Variants in CHRM3 observed in about 807,000 individuals in gnomAD.
The protein encoded by CHRM3 is cholinergic receptor muscarinic 3.
In CHRM3, 11 loss-of-function variants were observed where a neutral mutation model predicts 41.8. That is an observed-to-expected ratio of 0.26 (90% CI 0.17 to 0.44). The LOEUF (loss-of-function observed/expected upper bound fraction) is 0.44. Ranked by LOEUF, CHRM3 falls within the 20% of genes least tolerant of loss-of-function variation. The pLI, the probability that CHRM3 is intolerant of heterozygous loss-of-function variation, is 1.00. For synonymous variants in CHRM3, 297 were observed against 301.4 expected (o/e 0.99, Z 0.15); for missense variants, 571 against 745.4 (o/e 0.77, Z 2.72).
intron 1 of CHRM3, among the ~76,000 whole-genome samples, chr1:239,397,249 T>C (rs1938228): frequency 0.88 from 134,533 of 152,238 alleles, 60,248 homozygotes; most frequent in East Asian, 0.96. Context: ...CAAATTATTT[T>C]GCTCCATAAA....
intron 2 of CHRM3, among the ~76,000 whole-genome samples, chr1:239,525,268 G>C (rs752042376): frequency 2.0e-4 from 30 of 152,106 alleles, no homozygotes; most frequent in Non-Finnish European, 3.8e-4. Flanking sequence ...AGTCTAGGAG[G>C]CTGAGGCCAC....
rs567093698 is a variant in CHRM3 at position 239,508,281 on chromosome 1, T to G, written c.-422+15474T>G. Reference sequence around the variant, plus strand: ...CTAGGTGGTTCTGTACAGTGAAATATGGGACCTTGAGCTCTGTATTTCAGT... The same window carrying G: ...CTAGGTGGTTCTGTACAGTGAAATAGGGGACCTTGAGCTCTGTATTTCAGT... On this transcript the variant is annotated intron_variant, in intron 2 of 6. Transcript: ENST00000676153. Among the ~76,000 whole-genome samples, 81 of 152,334 alleles carry G rather than the reference T, an allele frequency of 5.3e-4. No homozygotes were observed. In the South Asian group the frequency reaches 0.017, roughly 32 times the overall value.
chr1:239,679,225 T>C (rs916121241), intron 5 of CHRM3, among the ~76,000 whole-genome samples: 9 of 152,188 alleles, frequency 5.9e-5, no homozygotes, highest in African/African-American at 2.2e-4. Flanking sequence ...GAAATACTTA[T>C]AAATATTTGG....
intron 2 of CHRM3, among the ~76,000 whole-genome samples, chr1:239,509,784 T>A (rs1453893035): frequency 6.6e-6 from 1 of 152,182 alleles, no homozygotes; most frequent in Non-Finnish European, 1.5e-5. Context: ...ATTTTCTTAG[T>A]CAACAATTAA....
intron 5 of CHRM3, among the ~76,000 whole-genome samples, chr1:239,750,322 C>A (rs1183970217): frequency 6.6e-6 from 1 of 152,144 alleles, no homozygotes; most frequent in Non-Finnish European, 1.5e-5. Flanking sequence ...TGGAAAAAAA[C>A]ATTCAGGACC....
intron 5 of CHRM3, among the ~76,000 whole-genome samples, chr1:239,729,355 G>A (rs60661189): frequency 0.017 from 2,590 of 151,944 alleles, 72 homozygotes; most frequent in African/African-American, 0.058. Flanking sequence ...AATCCCAGTG[G>A]CCTTGTTTCA....
chr1:239,700,811 C>A (rs916503037), intron 5 of CHRM3, among the ~76,000 whole-genome samples: 2 of 152,108 alleles, frequency 1.3e-5, no homozygotes, highest in Non-Finnish European at 2.9e-5. Context: ...AGTTACCTAG[C>A]GGCTTTGGGA....
chr1:239,670,212 A>G (rs1467822299), intron 4 of CHRM3, among the ~76,000 whole-genome samples: 1 of 152,122 alleles, frequency 6.6e-6, no homozygotes, highest in Non-Finnish European at 1.5e-5. Context: ...CCATCACGCC[A>G]AGTTCTCTTA....
At chr1:239,499,317 G>A (rs1266234954) in intron 2 of CHRM3, among the ~76,000 whole-genome samples, 1 of 152,126 alleles carries the variant, frequency 6.6e-6, no homozygotes, top group East Asian at 1.9e-4. Context: ...GGCTTTCACA[G>A]GGGATAGTAT....
In CHRM3 at chr1:239,533,745, AAAAAAC is replaced by A. The variant is rs869270032; in HGVS notation, c.-421-11890_-421-11885del. ...AAACTCTGTCTCAAAAAAAAAAAAA[AAAAAAC>A]AAAAAAACCCTTAAAAACCATCAGA... is the stretch of plus-strand genomic sequence containing the variant. On this transcript the variant is annotated intron_variant, in intron 2 of 6. Transcript: ENST00000676153. Among the ~76,000 whole-genome samples the A allele has an allele frequency of 1.1e-4, 16 of 149,134 alleles. 1 individual carries two copies. The highest frequency in any genetic ancestry group is 3.5e-4 in the African/African-American group (14 of 40,324).
At chr1:239,892,289 T>C (rs1330975484) in intron 6 of CHRM3, among the ~76,000 whole-genome samples, 2 of 152,220 alleles carry the variant, frequency 1.3e-5, no homozygotes, top group Non-Finnish European at 2.9e-5. Flanking sequence ...AAAGTAGACA[T>C]TTTATTATTA....
chr1:239,525,463 T>A (rs553105290), intron 2 of CHRM3, among the ~76,000 whole-genome samples: 28 of 149,350 alleles, frequency 1.9e-4, no homozygotes, highest in African/African-American at 6.8e-4. Context: ...TTCTTTTTTT[T>A]AAAATTATTT....
At chr1:239,645,096 G>C (rs746208227) in intron 4 of CHRM3, among the ~76,000 whole-genome samples, 3 of 152,178 alleles carry the variant, frequency 2.0e-5, no homozygotes, top group African/African-American at 4.8e-5. Context: ...TATCTGGATG[G>C]CAGAGCCGCC....
intron 3 of CHRM3, among the ~76,000 whole-genome samples, chr1:239,583,094 G>A (rs371130177): frequency 1.3e-5 from 2 of 152,180 alleles, no homozygotes; most frequent in African/African-American, 4.8e-5. Flanking sequence ...ACCATGTGAA[G>A]TTCCCTCACC....
intron 2 of CHRM3, among the ~76,000 whole-genome samples, chr1:239,514,342 A>C (rs1455007682): frequency 2.4e-5 from 2 of 83,344 alleles, no homozygotes; most frequent in Non-Finnish European, 5.2e-5. Context: ...TAGATCTCGT[A>C]CATTTTTTTA....
intron 5 of CHRM3, among the ~76,000 whole-genome samples, chr1:239,710,191 T>G (rs753367751): frequency 2.8e-4 from 43 of 152,190 alleles, no homozygotes; most frequent in Non-Finnish European, 4.4e-5. Flanking sequence ...CTAAGTGTTA[T>G]ATGTATAACT....
chr1:239,434,437 A>G (rs1338211183), intron 1 of CHRM3, among the ~76,000 whole-genome samples: 2 of 152,138 alleles, frequency 1.3e-5, no homozygotes, highest in Non-Finnish European at 2.9e-5. Flanking sequence ...CTCTCTATCT[A>G]TATAATAGCA....
intron 1 of CHRM3, among the ~76,000 whole-genome samples, chr1:239,414,434 A>T (rs1026876470): frequency 3.3e-5 from 5 of 152,256 alleles, no homozygotes; most frequent in African/African-American, 1.2e-4. Flanking sequence ...TGTTTACAGC[A>T]GTTTGATATT....
At chr1:239,585,652 T>C (rs567377838) in intron 3 of CHRM3, among the ~76,000 whole-genome samples, 50 of 152,288 alleles carry the variant, frequency 3.3e-4, no homozygotes, top group South Asian at 4.1e-4. Context: ...TTGGCAGGTA[T>C]ACTACTACTC....
Sources: gnomAD v4.1 joint callset for allele counts (sites outside exome capture counted in the v4.1 genomes callset) on GRCh38, gnomAD v4.1.1 for gene constraint, MANE v1.5 for transcripts, NCBI Gene and HGNC (gene_info 2026-07-23, HGNC 2026-07-21) for gene names.